Variants in ADGRL3 observed in about 807,000 individuals in gnomAD.
ADGRL3 encodes the protein calcium-independent alpha-latrotoxin receptor 3.
A neutral mutation model predicts 153.5 loss-of-function variants in ADGRL3; 62 were observed. The ratio of observed to expected loss-of-function variants is 0.40; its 90% CI spans 0.33 to 0.50. The LOEUF (loss-of-function observed/expected upper bound fraction) is 0.50, where lower values mean the gene tolerates loss of function less well. ADGRL3 is among the 20% of genes least tolerant of loss of function. ADGRL3 has a pLI of 0.47. For missense variants in ADGRL3, 1,641 were observed against 1,859.4 expected (o/e 0.88, Z 2.16); for synonymous variants, 710 against 672.5 (o/e 1.06, Z -0.86).
intron 5 of ADGRL3, among the ~76,000 whole-genome samples, chr4:61,618,715 CGTTT>C (rs1039855170): frequency 4.6e-5 from 7 of 152,022 alleles, no homozygotes; most frequent in East Asian, 3.9e-4. Flanking sequence ...TTTCCTTGTT[CGTTT>C]GTTTGTTTTG....
intron 5 of ADGRL3, among the ~76,000 whole-genome samples, chr4:61,630,405 T>A (rs569571239): frequency 3.3e-5 from 5 of 152,218 alleles, no homozygotes; most frequent in Admixed American, 3.3e-4. Context: ...GAAAGAAATA[T>A]TTTTGGAAAA....
At chr4:61,283,433 T>G (rs1243718822) in intron 1 of ADGRL3, among the ~76,000 whole-genome samples, 1 of 152,038 alleles carries the variant, frequency 6.6e-6, no homozygotes, top group Non-Finnish European at 1.5e-5. Context: ...CAATTCCATC[T>G]TTTTCTGTTT....
intron 5 of ADGRL3, among the ~76,000 whole-genome samples, chr4:61,643,508 A>T (rs1429231843): frequency 6.6e-6 from 1 of 151,882 alleles, no homozygotes; most frequent in Non-Finnish European, 1.5e-5. Context: ...AGGGTTGTTG[A>T]ATTTTGTCAA....
At chr4:61,481,940 A>G (rs1560707735) in intron 2 of ADGRL3, among the ~76,000 whole-genome samples, 1 of 152,182 alleles carries the variant, frequency 6.6e-6, no homozygotes, top group African/African-American at 2.4e-5. Context: ...AAAAGCAAAA[A>G]TACGTTTTTT....
At chr4:61,850,480 G>A (rs1033774616) in intron 9 of ADGRL3, among the ~76,000 whole-genome samples, 1 of 152,098 alleles carries the variant, frequency 6.6e-6, no homozygotes, top group African/African-American at 2.4e-5. Flanking sequence ...CATTCTTAGT[G>A]AAATGACAAA....
intron 5 of ADGRL3, among the ~76,000 whole-genome samples, chr4:61,639,914 G>A (rs529725960): frequency 7.2e-5 from 11 of 152,148 alleles, no homozygotes; most frequent in Non-Finnish European, 1.3e-4. Context: ...AAACAATTGA[G>A]ACTGTCTATA....
At chr4:61,421,202 C>T (rs1420264410) in intron 2 of ADGRL3, among the ~76,000 whole-genome samples, 6 of 152,042 alleles carry the variant, frequency 3.9e-5, no homozygotes, top group Non-Finnish European at 7.4e-5. Flanking sequence ...GGCTTGGTGG[C>T]GGACGCCTGT....
intron 17 of ADGRL3, among the ~76,000 whole-genome samples, chr4:61,951,120 T>A (rs2098945624): frequency 6.6e-6 from 1 of 152,200 alleles, no homozygotes; most frequent in Non-Finnish European, 1.5e-5. Context: ...ATGTGGAAAT[T>A]TAGATGGGCT....
chr4:62,020,708 A>G lies in ADGRL3; in HGVS notation c.3396-8147A>G, dbSNP rs989084186. 7.9e-5 allele frequency among the ~76,000 whole-genome samples: 12 copies of G among 152,260 alleles called. No homozygotes were observed. The South Asian group carries it at 8.3e-4, about 11-fold the overall frequency. ...TTCTGGAACTTAAATTTCTAATTGA[A>G]TCTTTAGGAACATTCCACATGTGAT... is the stretch of plus-strand genomic sequence containing the variant. On this transcript the variant is annotated intron_variant, in intron 21 of 26. Transcript: ENST00000683033.
intron 6 of ADGRL3, among the ~76,000 whole-genome samples, chr4:61,714,690 A>G (rs1310501538): frequency 1.3e-5 from 2 of 151,952 alleles, no homozygotes; most frequent in Non-Finnish European, 2.9e-5. Flanking sequence ...TTCCTATTTC[A>G]GTTGTACGGT....
At chr4:61,877,550 G>A (rs2098482916) in intron 9 of ADGRL3, among the ~76,000 whole-genome samples, 1 of 152,154 alleles carries the variant, frequency 6.6e-6, no homozygotes, top group Non-Finnish European at 1.5e-5. Context: ...GAGACTTTTT[G>A]AAATGGTGAT....
chr4:61,788,509 C>A (rs1413489301), intron 8 of ADGRL3, among the ~76,000 whole-genome samples: 1 of 152,112 alleles, frequency 6.6e-6, no homozygotes, highest in Non-Finnish European at 1.5e-5. Flanking sequence ...AAGGGATCAC[C>A]CCGTGGGACA....
chr4:61,787,702 GT>G (rs1252161947), intron 8 of ADGRL3, among the ~76,000 whole-genome samples: 2 of 151,760 alleles, frequency 1.3e-5, no homozygotes, highest in African/African-American at 4.8e-5. Context: ...TTCCAAAATA[GT>G]TTTTCATTAT....
chr4:61,582,801 T>C (rs1264780155), intron 4 of ADGRL3, among the ~76,000 whole-genome samples: 2 of 152,026 alleles, frequency 1.3e-5, no homozygotes, highest in South Asian at 2.1e-4. Flanking sequence ...TGAATAGATA[T>C]GAAATGACCT....
At chr4:61,656,735 G>A (rs529424932) in intron 5 of ADGRL3, among the ~76,000 whole-genome samples, 6 of 152,240 alleles carry the variant, frequency 3.9e-5, no homozygotes, top group African/African-American at 1.4e-4. Flanking sequence ...TAGGATTTAG[G>A]GAGTTACAGT....
At chr4:61,362,345 TAC>T (rs773503277) in intron 1 of ADGRL3, among the ~76,000 whole-genome samples, 18 of 149,908 alleles carry the variant, frequency 1.2e-4, no homozygotes, top group South Asian at 2.1e-4. Context: ...TATATATATA[TAC>T]ACACACACAC....
intron 5 of ADGRL3, among the ~76,000 whole-genome samples, chr4:61,644,172 TTCTC>T (rs1168381391): frequency 3.5e-5 from 5 of 143,526 alleles, no homozygotes; most frequent in East Asian, 4.0e-4. Flanking sequence ...TATTTGATTC[TTCTC>T]TCTTTTTTTC....
intron 8 of ADGRL3, among the ~76,000 whole-genome samples, chr4:61,743,000 A>ATT (rs112125226): frequency 2.1e-5 from 3 of 145,688 alleles, no homozygotes; most frequent in African/African-American, 7.5e-5. Flanking sequence ...TTAGCCTTAA[A>ATT]TTTTTTTTTT....
chr4:61,822,885 A>G (rs893981358), intron 9 of ADGRL3, among the ~76,000 whole-genome samples: 4 of 152,160 alleles, frequency 2.6e-5, no homozygotes, highest in African/African-American at 7.2e-5. Context: ...TGGTACTGTC[A>G]TGCTCTGAAC....
Sources: allele counts gnomAD v4.1 joint callset (sites outside exome capture counted in the v4.1 genomes callset), GRCh38; gene constraint gnomAD v4.1.1; transcripts MANE v1.5; gene names NCBI Gene and HGNC (gene_info 2026-07-23, HGNC 2026-07-21).